Variants in UGT1A10 observed in about 807,000 individuals in gnomAD.
The protein encoded by UGT1A10 is UDP-glucuronosyltransferase 1A10.
A neutral mutation model predicts 45.8 loss-of-function variants in UGT1A10; 49 were observed. The ratio of observed to expected loss-of-function variants is 1.07; its 90% CI spans 0.85 to 1.36. The LOEUF is 1.36. Among genes scored for constraint, UGT1A10 ranks in the 40% most tolerant of loss-of-function variants. UGT1A10 has a pLI of 0.00. For synonymous variants in UGT1A10, 284 were observed against 249.7 expected, an observed-to-expected ratio of 1.14 and a Z score of -1.29; for missense variants, 745 against 668.6, an observed-to-expected ratio of 1.11 and a Z score of -1.26.
At chr2:233,703,469 A>G (rs371655525) in intron 1 of UGT1A10, among the ~76,000 whole-genome samples, 4 of 150,764 alleles carry the variant, frequency 2.7e-5, no homozygotes, top group African/African-American at 4.9e-5. Flanking sequence ...ATTCTTTATT[A>G]TTTTCTGCCT....
At chr2:233,692,353 G>A (rs13015720) in intron 1 of UGT1A10, 60,428 of 154,122 alleles carry the variant, frequency 0.39, 12,046 homozygotes, top group South Asian at 0.45. Flanking sequence ...CTTCAGTTCT[G>A]TGAGCCATTC....
chr2:233,653,627 C>T (rs772124377), intron 1 of UGT1A10, among the ~76,000 whole-genome samples: 7 of 152,150 alleles, frequency 4.6e-5, no homozygotes, highest in East Asian at 1.9e-4. Context: ...GACAGAGTCT[C>T]GCTGTGTTGC....
At chr2:233,673,711 G>A (rs1199073256) in intron 1 of UGT1A10, among the ~76,000 whole-genome samples, 3 of 151,830 alleles carry the variant, frequency 2.0e-5, no homozygotes, top group Non-Finnish European at 4.4e-5. Flanking sequence ...GAAACTATTG[G>A]GTACAGGACA....
At chr2:233,728,439 A>G (rs994532413) in intron 1 of UGT1A10, among the ~76,000 whole-genome samples, 1 of 152,136 alleles carries the variant, frequency 6.6e-6, no homozygotes, top group African/African-American at 2.4e-5. Context: ...CATGGTGTAT[A>G]TGGAGAATCC....
At chr2:233,680,881 G>A (rs1321743008) in intron 1 of UGT1A10, among the ~76,000 whole-genome samples, 2 of 152,008 alleles carry the variant, frequency 1.3e-5, no homozygotes, top group East Asian at 1.9e-4. Context: ...CAAGCATAGG[G>A]ACGGCGACTC....
rs368511777 is a variant in UGT1A10 at position 233,719,318 on chromosome 2, G to A, written c.856-47716G>A. 1.9e-5 allele frequency: 30 copies of A among 1,613,836 alleles called. No individual in the cohort carries two copies. In the East Asian group the frequency reaches 2.5e-4, roughly 13 times the overall value. On this transcript the variant is annotated intron_variant, in intron 1 of 4. Transcript: ENST00000344644. ...GGGCGGTGCTGGCTAAGTACCTGTC[G>A]ATTCCTGCTGTGTTTTTTTGGAGGT...
At position 233,734,360 on chromosome 2, in the gene UGT1A10, C is replaced by T. The variant is rs565800937; in HGVS notation, c.856-32674C>T. Among the ~76,000 whole-genome samples the T allele has an allele frequency of 6.9e-4, 105 of 152,192 alleles. No individual in the cohort carries two copies. In the South Asian group the frequency reaches 0.014, roughly 20 times the overall value. ...ATGGTAGTTTGTATTTCTGTGGGAT[C>T]GGTGGTGATATTGCCTTTACTATTT... is the stretch of plus-strand genomic sequence containing the variant. On this transcript the variant is annotated intron_variant, in intron 1 of 4. Coordinates refer to ENST00000344644, the MANE Select transcript of UGT1A10 (RefSeq NM_019075.4).
In UGT1A10 at chr2:233,745,292, C is replaced by T. The variant is rs13426130; in HGVS notation, c.856-21742C>T. On this transcript the variant is annotated intron_variant, in intron 1 of 4. Transcript: ENST00000344644. ...CCGTGTGTATAGCACTGGGGATAAA[C>T]GTGGGATGCAGTGATTATTTCCACT... 9.4e-3 allele frequency among the ~76,000 whole-genome samples: 1,433 copies of T among 151,880 alleles called. 51 individuals carry two copies. The highest frequency in any genetic ancestry group is 0.033 in the African/African-American group (1,366 of 41,200).
At chr2:233,690,604 G>C (rs756529632) in intron 1 of UGT1A10, 1 of 1,289,060 alleles carries the variant, frequency 7.8e-7, no homozygotes. Flanking sequence ...AAAAAAATCG[G>C]CCTTTGCCTG....
Position 233,772,846 on chromosome 2 carries a change from T to G in UGT1A10, c.*287T>G. On this transcript the variant is annotated 3_prime_UTR_variant, in exon 5 of 5. Transcript: ENST00000344644. Reference sequence around the variant, plus strand: ...AGGCTGGCATTCTAGATTACTTTTCTTACTCTGAAACATGGCCTGTTTGGG... The same window carrying G: ...AGGCTGGCATTCTAGATTACTTTTCGTACTCTGAAACATGGCCTGTTTGGG... 1 of 808,400 alleles carries G rather than the reference T, an allele frequency of 1.2e-6. No homozygotes were observed. Among genetic ancestry groups the G allele is most frequent in the Non-Finnish European group, 1.8e-6 (1 of 570,574 alleles). The allele number at this position is 808,400 out of a possible 1,614,324, so 50.1% of individuals were successfully genotyped here.
At position 233,731,167 on chromosome 2, in the gene UGT1A10, AT is replaced by A. The variant is rs1179116589; in HGVS notation, c.856-35860del. On this transcript the variant is annotated intron_variant, in intron 1 of 4. Transcript: ENST00000344644. ...TTTTTCTTTTTGATCAAACGACATG[AT>A]TTTTTTATGCAATGTAATTATTCAA... is the stretch of plus-strand genomic sequence containing the variant. 9.2e-5 allele frequency among the ~76,000 whole-genome samples: 14 copies of A among 151,914 alleles called. No homozygotes were observed. The East Asian group carries it at 1.4e-3, about 15-fold the overall frequency.
chr2:233,766,292 T>C (rs1426642271), intron 1 of UGT1A10, among the ~76,000 whole-genome samples: 2 of 147,940 alleles, frequency 1.4e-5, no homozygotes, highest in African/African-American at 5.0e-5. Context: ...CTCGGTGGCC[T>C]GGGCTCTCCT....
intron 1 of UGT1A10, among the ~76,000 whole-genome samples, chr2:233,659,847 G>A (rs1411725549): frequency 2.0e-5 from 3 of 152,172 alleles, no homozygotes; most frequent in Non-Finnish European, 4.4e-5. Flanking sequence ...ATCCTTCTGC[G>A]AGATTGTCTA....
At chr2:233,747,573 T>C (rs1169792054) in intron 1 of UGT1A10, 7 of 1,587,232 alleles carry the variant, frequency 4.4e-6, no homozygotes, top group African/African-American at 1.4e-5. Flanking sequence ...GAAAAATTCA[T>C]CTTTGGTCTT....
chr2:233,678,389 G>A (rs1404251186), intron 1 of UGT1A10, among the ~76,000 whole-genome samples: 1 of 152,176 alleles, frequency 6.6e-6, no homozygotes, highest in Non-Finnish European at 1.5e-5. Flanking sequence ...GGCTGTGGAG[G>A]AGGAGGAGTA....
intron 1 of UGT1A10, chr2:233,708,309 A>G (rs571309769): frequency 2.0e-5 from 3 of 152,348 alleles, no homozygotes; most frequent in Non-Finnish European, 4.4e-5. Context: ...TGACAATCCA[A>G]TAGGTAAAAA....
At chr2:233,741,527 G>A (rs1192386842) in intron 1 of UGT1A10, 5 of 151,902 alleles carry the variant, frequency 3.3e-5, no homozygotes, top group Non-Finnish European at 5.9e-5. Flanking sequence ...TTAACAGTCT[G>A]TCTTATTCTG....
intron 1 of UGT1A10, among the ~76,000 whole-genome samples, chr2:233,720,807 G>C (rs879376102): frequency 6.0e-5 from 9 of 150,156 alleles, no homozygotes; most frequent in Non-Finnish European, 5.9e-5. Context: ...CCGGGTTTAA[G>C]AAATTCTCCC....
At chr2:233,758,396 C>T (rs560244610) in intron 1 of UGT1A10, among the ~76,000 whole-genome samples, 1 of 152,294 alleles carries the variant, frequency 6.6e-6, no homozygotes, top group South Asian at 2.1e-4. Flanking sequence ...GTGTTTATAG[C>T]CCCTTTACTG....
Sources: gnomAD v4.1 joint callset for allele counts (sites outside exome capture counted in the v4.1 genomes callset) on GRCh38, gnomAD v4.1.1 for gene constraint, MANE v1.5 for transcripts, NCBI Gene and HGNC (gene_info 2026-07-23, HGNC 2026-07-21) for gene names.